The following ALG12 variants were observed in gnomAD, a reference collection of about 807,000 sequenced individuals.
ALG12 encodes the protein dol-P-Man:Man(7)GlcNAc(2)-PP-Dol alpha-1,6-mannosyltransferase.
Under a neutral mutation model 46.0 loss-of-function variants are expected in ALG12, and 36 were observed. The observed-to-expected ratio is 0.78, with a 90% CI of 0.60 to 1.03. ALG12 has a LOEUF of 1.03. ALG12 is among the 50% of genes least tolerant of loss of function. ALG12 has a pLI of 0.00. For missense variants in ALG12, 599 were observed against 633.5 expected, an observed-to-expected ratio of 0.95 and a Z score of 0.58; for synonymous variants, 326 against 291.6, an observed-to-expected ratio of 1.12 and a Z score of -1.20.
the ALG12 span, among the ~76,000 whole-genome samples, chr22:49,861,077 A>G: frequency 2.1e-3 from 322 of 152,174 alleles, no homozygotes; most frequent in African/African-American, 7.1e-3. Context: ...TGCCCGGCCT[A>G]GGCAACGCTT....
At chr22:49,868,783 G>A in the ALG12 span, among the ~76,000 whole-genome samples, 140,138 of 151,962 alleles carry the variant, frequency 0.92, 64,725 homozygotes, top group African/African-American at 0.98. Flanking sequence ...CTGCCAGGAG[G>A]GTGGGAGCCC....
the ALG12 span, chr22:49,884,240 C>T: frequency 6.2e-7 from 1 of 1,601,300 alleles, no homozygotes; most frequent in Non-Finnish European, 8.5e-7. Context: ...CCACCACAGC[C>T]TGCGGACGCG....
At chr22:49,909,725 C>A (rs1179929835) in intron 5 of ALG12, among the ~76,000 whole-genome samples, 169 bp downstream of exon 5, 1 of 152,206 alleles carries the variant, frequency 6.6e-6, no homozygotes, top group East Asian at 1.9e-4. Context: ...CACGGTGGGT[C>A]CCCCTGGAGA....
At position 49,909,249 on chromosome 22, in the gene ALG12, A is replaced by G. The variant is rs747863034; in HGVS notation, c.763T>C (p.Trp255Arg). 5.0e-6 allele frequency: 8 copies of G among 1,614,212 alleles called. No individual in the cohort carries two copies. Among genetic ancestry groups the G allele is most frequent in the Non-Finnish European group, 2.5e-6 (3 of 1,180,032 alleles). ...YNTVLNKSSN[W>R]GTSPLLWYFY... ...GCACGGACACTGAAGGATACCCCCCAGTTGGAGCTTTTGTTCAGGACAGTG... is the reference window on the plus strand; with the variant it reads ...GCACGGACACTGAAGGATACCCCCCGGTTGGAGCTTTTGTTCAGGACAGTG... Residue 255 changes from tryptophan (W) to arginine (R), a missense_variant, in exon 6 of 10, where the codon TGG (tryptophan) becomes CGG (arginine). Transcript: ENST00000330817.
At chr22:49,865,252 G>T in the ALG12 span, among the ~76,000 whole-genome samples, 1 of 152,060 alleles carries the variant, frequency 6.6e-6, no homozygotes, top group East Asian at 1.9e-4. Flanking sequence ...AACAGAAAAG[G>T]CACAGTAAAC....
Position 49,905,721 on chromosome 22 carries a change from A to C in ALG12, c.993-1215T>G, listed in dbSNP as rs1439541638. Among the ~76,000 whole-genome samples, 1 of 152,208 alleles carries C rather than the reference A, an allele frequency of 6.6e-6. No homozygotes were observed. The highest frequency in any genetic ancestry group is 1.5e-5 in the Non-Finnish European group (1 of 68,038). On this transcript the variant is annotated intron_variant, in intron 7 of 9. Coordinates refer to ENST00000330817, the MANE Select transcript of ALG12 (RefSeq NM_024105.4). The surrounding 1 kb of genome is among the most constrained non-coding windows in gnomAD (Gnocchi z 4.9). The stretch of plus-strand genomic sequence containing the variant: ...CGTACAGCCTGCGGAACCGCGAGCC[A>C]ATGAAGCCTCCTCTTTATAAATTAT...
chr22:49,897,906 G>A (rs1007899056), downstream of ALG12, among the ~76,000 whole-genome samples: 6 of 151,950 alleles, frequency 3.9e-5, no homozygotes, highest in African/African-American at 7.3e-5. Context: ...TGATCTGCCC[G>A]TCTTGGCCTC....
intron 1 of ALG12, among the ~76,000 whole-genome samples, chr22:49,917,983 T>TGAGAGGTCCGGCC (rs1601831776): frequency 2.1e-3 from 198 of 92,482 alleles, no homozygotes; most frequent in South Asian, 7.3e-3. Context: ...AGGTGAGAGG[T>TGAGAGGTCCGGCC]CCAGCCCCAG....
rs2060511835 is a variant in ALG12, at chr22:49,902,045, G to C, written c.*1793C>G. Reference sequence around the variant, plus strand: ...CACGCGTGCACTGTGTGTATGCATGGTAACGTACACGTGTGCACTGTGTGT... The same window carrying C: ...CACGCGTGCACTGTGTGTATGCATGCTAACGTACACGTGTGCACTGTGTGT... On this transcript the variant is annotated 3_prime_UTR_variant, in exon 10 of 10. Coordinates refer to ENST00000330817, the MANE Select transcript of ALG12 (RefSeq NM_024105.4). The C allele has an allele frequency of 7.3e-6, 1 of 137,288 alleles. No homozygotes were observed. The highest frequency in any genetic ancestry group is 3.1e-5 in the African/African-American group (1 of 32,022). The allele number at this position is 137,288 out of a possible 1,614,324, so 8.5% of individuals were successfully genotyped here.
At chr22:49,870,943 ATT>A in the ALG12 span, among the ~76,000 whole-genome samples, 194 of 138,014 alleles carry the variant, frequency 1.4e-3, 1 homozygote, top group Admixed American at 1.6e-3. Context: ...TAAAAGATAG[ATT>A]TTTTTTTTTT....
the ALG12 span, among the ~76,000 whole-genome samples, chr22:49,867,140 C>G: frequency 8.5e-5 from 13 of 152,298 alleles, no homozygotes; most frequent in Non-Finnish European, 1.8e-4. Context: ...TCCAGTTTAC[C>G]TCACGGTTTG....
the ALG12 span, among the ~76,000 whole-genome samples, chr22:49,871,545 C>T: frequency 5.3e-5 from 8 of 152,014 alleles, no homozygotes; most frequent in East Asian, 9.7e-4. Context: ...AATAGCATGA[C>T]GTCTAAAACA....
downstream of ALG12, chr22:49,900,136 C>T (rs1362374548): frequency 2.0e-5 from 3 of 152,320 alleles, no homozygotes; most frequent in South Asian, 2.1e-4. Flanking sequence ...TGTACTCCAG[C>T]TTGGGTGACA....
At chr22:49,884,346 T>C in the ALG12 span, 1 of 1,613,410 alleles carries the variant, frequency 6.2e-7, no homozygotes, top group South Asian at 1.1e-5. Context: ...AGTCTGTGTC[T>C]GTAGTTTCTT....
chr22:49,869,905 G>A, the ALG12 span, among the ~76,000 whole-genome samples: 8 of 152,172 alleles, frequency 5.3e-5, no homozygotes, highest in Non-Finnish European at 8.8e-5. Context: ...AAGAATGATC[G>A]TCGCCCAGAT....
At chr22:49,865,758 A>G in the ALG12 span, among the ~76,000 whole-genome samples, 1 of 151,746 alleles carries the variant, frequency 6.6e-6, no homozygotes, top group Non-Finnish European at 1.5e-5. Flanking sequence ...GGAAGGACTC[A>G]TGGAACAAGA....
chr22:49,902,608 ACGTGTG>A lies in ALG12; in HGVS notation c.*1224_*1229del. The A allele has an allele frequency of 7.4e-6, 1 of 135,610 alleles. No homozygotes were observed. The allele number at this position is 135,610 out of a possible 1,614,324, so 8.4% of individuals were successfully genotyped here. On this transcript the variant is annotated 3_prime_UTR_variant, in exon 10 of 10. Transcript: ENST00000330817. Reference sequence around the variant, plus strand: ...TGTGGTGTGTATGCATGGTGTGTGCACGTGTGCACTGTGTATGCATGGTAATGTGCA... The same window carrying A: ...TGTGGTGTGTATGCATGGTGTGTGCACACTGTGTATGCATGGTAATGTGCA...
At chr22:49,913,271 G>A in intron 3 of ALG12, 114 bp downstream of exon 3, 2 of 1,515,536 alleles carry the variant, frequency 1.3e-6, no homozygotes, top group African/African-American at 1.4e-5. Context: ...GTGATCGAGG[G>A]CAGGCAAGAC....
chr22:49,861,651 G>C, the ALG12 span, among the ~76,000 whole-genome samples: 25 of 152,150 alleles, frequency 1.6e-4, no homozygotes, highest in African/African-American at 5.6e-4. Flanking sequence ...TACCCAGGCT[G>C]GTCTTGAACT....
Sources: gnomAD v4.1 joint callset for allele counts (sites outside exome capture counted in the v4.1 genomes callset) on GRCh38, gnomAD v4.1.1 for gene constraint, Gnocchi (gnomAD v3.1) non-coding constraint, MANE v1.5 for transcripts, NCBI Gene and HGNC (gene_info 2026-07-23, HGNC 2026-07-21) for gene names.